ARFGAP3: variants seen among roughly 807,000 people sequenced by gnomAD.
ARFGAP3 encodes the protein ARF GTPase activating protein 3, also known as ADP-ribosylation factor GTPase-activating protein 3.
Under a neutral mutation model 75.0 loss-of-function variants are expected in ARFGAP3, and 72 were observed. That is an observed-to-expected ratio of 0.96 (90% CI 0.79 to 1.17). The LOEUF (loss-of-function observed/expected upper bound fraction) is 1.17. Among genes scored for constraint, ARFGAP3 ranks in the 50% most tolerant of loss-of-function variants. The pLI is 0.00. For missense variants in ARFGAP3, 620 were observed against 626.6 expected (o/e 0.99, Z 0.11); for synonymous variants, 221 against 217.9 (o/e 1.01, Z -0.13).
chr22:42,841,245 G>T, intron 2 of ARFGAP3: 1 of 257,680 alleles, frequency 3.9e-6, no homozygotes, highest in Non-Finnish European at 6.1e-6. Context: ...ACAGGGACAT[G>T]ACAAGTGTCA....
intron 3 of ARFGAP3, among the ~76,000 whole-genome samples, chr22:42,837,607 T>G (rs1926576096): frequency 1.9e-5 from 2 of 106,716 alleles, no homozygotes; most frequent in Admixed American, 2.7e-4. Context: ...GCAATAGGAG[T>G]GAGACTCTAT....
intron 3 of ARFGAP3, among the ~76,000 whole-genome samples, chr22:42,838,861 A>G (rs929859591): frequency 1.3e-5 from 2 of 152,154 alleles, no homozygotes; most frequent in African/African-American, 4.8e-5. Flanking sequence ...CTGTAATCCC[A>G]GCACTCTGGG....
intron 11 of ARFGAP3, among the ~76,000 whole-genome samples, chr22:42,816,108 T>C (rs754759831): frequency 6.6e-6 from 1 of 152,170 alleles, no homozygotes; most frequent in Non-Finnish European, 1.5e-5. Flanking sequence ...AGTGAGACTC[T>C]ATCTCATAAA....
chr22:42,808,735 G>T, intron 13 of ARFGAP3, 32 bp downstream of exon 13: 2 of 1,553,708 alleles, frequency 1.3e-6, no homozygotes, highest in South Asian at 1.1e-5. Flanking sequence ...CCTGCATTAT[G>T]GGGCACCCAA....
In ARFGAP3 at chr22:42,797,609, A is replaced by C. The variant is rs759712281; in HGVS notation, c.1534-4T>G. ...AGTATTAAGAACCGTAGCGATCCTG[A>C]AGAGAGAACCAAAATGGAAGTTCAC... On this transcript the variant is annotated splice_polypyrimidine_tract_variant and splice_region_variant and intron_variant, in intron 15 of 15. Coordinates refer to ENST00000263245, the MANE Select transcript of ARFGAP3 (RefSeq NM_014570.5). 1.9e-6 allele frequency: 3 copies of C among 1,614,074 alleles called. No individual in the cohort carries two copies. Among genetic ancestry groups the C allele is most frequent in the Non-Finnish European group, 2.5e-6 (3 of 1,179,968 alleles).
chr22:42,831,988 G>A (rs1926310861), intron 5 of ARFGAP3, among the ~76,000 whole-genome samples: 2 of 151,898 alleles, frequency 1.3e-5, no homozygotes, highest in African/African-American at 4.8e-5. Flanking sequence ...TCACTATGCT[G>A]CCCAGGCTCG....
At chr22:42,813,700 T>C (rs768739902) in intron 11 of ARFGAP3, among the ~76,000 whole-genome samples, 2 of 152,130 alleles carry the variant, frequency 1.3e-5, no homozygotes, top group Non-Finnish European at 2.9e-5. Context: ...TCTGTGCTCA[T>C]GCTAAGCAGG....
chr22:42,847,337 T>C, intron 2 of ARFGAP3, 177 bp downstream of exon 2: 3 of 556,246 alleles, frequency 5.4e-6, no homozygotes, highest in Non-Finnish European at 9.6e-6. Context: ...ACAACATTTT[T>C]TATTTTTTGT....
In ARFGAP3 at chr22:42,797,266, C is replaced by T. The variant is rs184642444; in HGVS notation, c.*322G>A. ...TCTCCTCCTCCCCCACATGAAGCCT[C>T]CTGGTTCAGGAGCAGGAGGAGCCGA... On this transcript the variant is annotated 3_prime_UTR_variant, in exon 16 of 16. Coordinates refer to ENST00000263245, the MANE Select transcript of ARFGAP3 (RefSeq NM_014570.5). 48 of 335,976 alleles carry T rather than the reference C, an allele frequency of 1.4e-4. No individual in the cohort carries two copies. Among genetic ancestry groups the T allele is most frequent in the African/African-American group, 9.7e-4 (45 of 46,318 alleles). The allele number at this position is 335,976 out of a possible 1,614,324, so 20.8% of individuals were successfully genotyped here.
At position 42,797,238 on chromosome 22, in the gene ARFGAP3, A is replaced by C. The variant is rs1829783327; in HGVS notation, c.*350T>G. ...CCCTGAGCCCATGTGTCACATGGAG[A>C]CCTCTCCTCCTCCCCCACATGAAGC... On this transcript the variant is annotated 3_prime_UTR_variant, in exon 16 of 16. Coordinates refer to ENST00000263245, the MANE Select transcript of ARFGAP3 (RefSeq NM_014570.5). The C allele has an allele frequency of 3.6e-6, 1 of 279,958 alleles. No homozygotes were observed. The highest frequency in any genetic ancestry group is 2.2e-5 in the African/African-American group (1 of 44,648). 17.3% of individuals were successfully genotyped at this position (279,958 alleles called of 1,614,324 possible).
At chr22:42,843,221 T>C (rs1467383782) in intron 2 of ARFGAP3, among the ~76,000 whole-genome samples, 2 of 152,202 alleles carry the variant, frequency 1.3e-5, no homozygotes, top group African/African-American at 4.8e-5. Context: ...AGTGAACTTT[T>C]AGCTCCCAGT....
At chr22:42,833,870 C>T (rs8140932) in intron 5 of ARFGAP3, among the ~76,000 whole-genome samples, 5,857 of 152,254 alleles carry the variant, frequency 0.038, 158 homozygotes, top group African/African-American at 0.074. Context: ...GAGCTGAGAT[C>T]GTGCCACTGC....
At chr22:42,811,580 T>C (rs1290951204) in intron 11 of ARFGAP3, among the ~76,000 whole-genome samples, 26 of 152,342 alleles carry the variant, frequency 1.7e-4, no homozygotes, top group Non-Finnish European at 2.9e-4. Context: ...AACCTCCTCC[T>C]GGAGTTGGAT....
chr22:42,824,706 A>G (rs1408245163), intron 7 of ARFGAP3, among the ~76,000 whole-genome samples: 2 of 151,848 alleles, frequency 1.3e-5, no homozygotes, highest in African/African-American at 4.8e-5. Context: ...TTTTTATTTT[A>G]GATTCAGGGA....
intron 14 of ARFGAP3, among the ~76,000 whole-genome samples, chr22:42,799,806 C>G (rs1478074949): frequency 6.6e-6 from 1 of 152,172 alleles, no homozygotes. Context: ...GTTACCTCCC[C>G]CAAGGAGGTG....
chr22:42,838,290 A>ATATATT (rs1555899059), intron 3 of ARFGAP3, among the ~76,000 whole-genome samples: 11,595 of 136,742 alleles, frequency 0.085, 562 homozygotes, highest in Non-Finnish European at 0.11. Context: ...ATATATATAT[A>ATATATT]TTTTTTTTTT....
intron 11 of ARFGAP3, 151 bp from the exon 12 acceptor site, chr22:42,811,095 G>T (rs2146534800): frequency 1.6e-6 from 2 of 1,289,506 alleles, no homozygotes; most frequent in Non-Finnish European, 1.0e-6. Flanking sequence ...GCAGACACGA[G>T]GTGTGTCATT....
chr22:42,811,112 G>T, intron 11 of ARFGAP3, 168 bp from the exon 12 acceptor site: 1 of 656,750 alleles, frequency 1.5e-6, no homozygotes, highest in Non-Finnish European at 1.9e-6. Context: ...CATTTCCAAG[G>T]CCTTTCAAGT....
Position 42,808,877 on chromosome 22 carries a change from G to C in ARFGAP3, c.1210C>G (p.Arg404Gly), listed in dbSNP as rs150358440. ...TGYSDRPTAR[R>G]KPDYEPVENT... is the part of the protein sequence containing the mutation. ...TCAACTGGCTCATAATCTGGCTTGCGGCGAGCAGTAGGTCTGCAATTAAAA... is the reference window on the plus strand; with the variant it reads ...TCAACTGGCTCATAATCTGGCTTGCCGCGAGCAGTAGGTCTGCAATTAAAA... The change falls in exon 13 of 16, where the codon CGC becomes GGC. Residue 404 changes from arginine to glycine, a missense_variant. Transcript: ENST00000263245. 6.2e-6 allele frequency: 10 copies of C among 1,609,890 alleles called. No homozygotes were observed. In the African/African-American group the frequency reaches 9.4e-5, roughly 15 times the overall value.
Sources: allele counts gnomAD v4.1 joint callset (sites outside exome capture counted in the v4.1 genomes callset), GRCh38; gene constraint gnomAD v4.1.1; transcripts MANE v1.5; gene names NCBI Gene and HGNC (gene_info 2026-07-23, HGNC 2026-07-21).